IMMP2L: variants seen among roughly 807,000 people sequenced by gnomAD.
IMMP2L encodes the protein mitochondrial inner membrane protease subunit 2.
IMMP2L carries 18 observed loss-of-function variants against 19.3 expected under a neutral mutation model. That is an observed-to-expected ratio of 0.93 (90% CI 0.64 to 1.38). The LOEUF is 1.38. Ranked by LOEUF, IMMP2L falls within the 40% of genes most tolerant of loss-of-function variation. IMMP2L has a pLI of 0.00. For synonymous variants in IMMP2L, 76 were observed against 73.0 expected, an observed-to-expected ratio of 1.04 and a Z score of -0.21; for missense variants, 233 against 218.2, an observed-to-expected ratio of 1.07 and a Z score of -0.43.
intron 3 of IMMP2L, among the ~76,000 whole-genome samples, chr7:111,337,500 G>A (rs1336252342): frequency 6.7e-6 from 1 of 149,476 alleles, no homozygotes; most frequent in Non-Finnish European, 1.5e-5. Context: ...ATGGATGGAT[G>A]AAATGGACCA....
chr7:111,143,855 C>A (rs1803192194), intron 3 of IMMP2L, among the ~76,000 whole-genome samples: 1 of 152,128 alleles, frequency 6.6e-6, no homozygotes, highest in Admixed American at 6.6e-5. Flanking sequence ...TAAACCAGTG[C>A]AGATACTGTA....
intron 3 of IMMP2L, among the ~76,000 whole-genome samples, chr7:111,105,455 T>G (rs2129581242): frequency 6.6e-6 from 1 of 151,996 alleles, no homozygotes; most frequent in East Asian, 1.9e-4. Context: ...CTGCATACGT[T>G]ACCATCTTCC....
intron 3 of IMMP2L, among the ~76,000 whole-genome samples, chr7:111,332,517 T>C (rs557896844): frequency 6.6e-6 from 1 of 152,066 alleles, no homozygotes; most frequent in South Asian, 2.1e-4. Context: ...AATAATATAG[T>C]ACCTTTTTGT....
chr7:111,315,704 A>G (rs1823990227), intron 3 of IMMP2L, among the ~76,000 whole-genome samples: 1 of 151,494 alleles, frequency 6.6e-6, no homozygotes, highest in African/African-American at 2.4e-5. Flanking sequence ...CAAACAACAC[A>G]CAAGGAAACA....
At chr7:110,916,912 T>C (rs1216803236) in intron 4 of IMMP2L, among the ~76,000 whole-genome samples, 3 of 152,150 alleles carry the variant, frequency 2.0e-5, no homozygotes, top group Non-Finnish European at 4.4e-5. Context: ...AAAAAGATGT[T>C]TGCAGTTGGT....
intron 5 of IMMP2L, among the ~76,000 whole-genome samples, chr7:110,675,552 G>A (rs963777003): frequency 6.6e-6 from 1 of 152,038 alleles, no homozygotes; most frequent in Non-Finnish European, 1.5e-5. Context: ...CATTACTATT[G>A]GGTTAATAAA....
intron 3 of IMMP2L, among the ~76,000 whole-genome samples, chr7:111,174,482 T>A (rs1806811934): frequency 6.6e-6 from 1 of 151,652 alleles, no homozygotes; most frequent in African/African-American, 2.4e-5. Context: ...AGCTCCTACC[T>A]CACTCAATGC....
At chr7:110,696,490 G>A (rs1406459488) in intron 5 of IMMP2L, among the ~76,000 whole-genome samples, 5 of 138,628 alleles carry the variant, frequency 3.6e-5, no homozygotes, top group South Asian at 2.3e-4. Context: ...GTAATGGTAC[G>A]ATCTCGGCCC....
chr7:111,250,417 A>T (rs1815964611), intron 3 of IMMP2L, among the ~76,000 whole-genome samples: 2 of 152,314 alleles, frequency 1.3e-5, no homozygotes, highest in African/African-American at 2.4e-5. Flanking sequence ...TAAAATTCAT[A>T]TGAAACCCAA....
chr7:111,098,239 T>A (rs950842638), intron 3 of IMMP2L, among the ~76,000 whole-genome samples: 1 of 151,828 alleles, frequency 6.6e-6, no homozygotes, highest in African/African-American at 2.4e-5. Context: ...TTTGTTCCTC[T>A]TATTGTCATT....
At chr7:110,679,857 C>T (rs913659890) in intron 5 of IMMP2L, among the ~76,000 whole-genome samples, 17 of 152,216 alleles carry the variant, frequency 1.1e-4, no homozygotes, top group Admixed American at 2.0e-4. Flanking sequence ...GTTGCTGTGA[C>T]TAGCACCATA....
chr7:111,482,309 T>C (rs78713191), intron 3 of IMMP2L, among the ~76,000 whole-genome samples: 3,168 of 152,234 alleles, frequency 0.021, 110 homozygotes, highest in African/African-American at 0.072. Flanking sequence ...GAGAATTAAA[T>C]AAAAACAGCA....
At chr7:110,772,628 G>C (rs1799111816) in intron 5 of IMMP2L, among the ~76,000 whole-genome samples, 1 of 152,152 alleles carries the variant, frequency 6.6e-6, no homozygotes. Context: ...TGGGTACCAT[G>C]GAGGAGGCTC....
At chr7:110,859,153 C>G (rs1563030884) in intron 5 of IMMP2L, among the ~76,000 whole-genome samples, 1 of 151,964 alleles carries the variant, frequency 6.6e-6, no homozygotes, top group African/African-American at 2.4e-5. Flanking sequence ...TCTGTAGGCC[C>G]AAGCAAACAT....
chr7:111,190,289 C>T (rs1808725645), intron 3 of IMMP2L, among the ~76,000 whole-genome samples: 1 of 151,918 alleles, frequency 6.6e-6, no homozygotes. Context: ...AACAATGACA[C>T]CTAAGCAAAA....
chr7:111,290,759 A>G (rs985722802), intron 3 of IMMP2L, among the ~76,000 whole-genome samples: 1 of 150,602 alleles, frequency 6.6e-6, no homozygotes, highest in Non-Finnish European at 1.5e-5. Flanking sequence ...ATGTTTTCTG[A>G]TTGCACTTAT....
At chr7:110,692,106 C>T (rs1793544931) in intron 5 of IMMP2L, among the ~76,000 whole-genome samples, 1 of 152,056 alleles carries the variant, frequency 6.6e-6, no homozygotes, top group Admixed American at 6.6e-5. Flanking sequence ...TGTGTGTAAA[C>T]ATACACACTC....
chr7:111,150,203 A>C (rs1241435047), intron 3 of IMMP2L, among the ~76,000 whole-genome samples: 2 of 152,172 alleles, frequency 1.3e-5, no homozygotes, highest in East Asian at 1.9e-4. Context: ...ATAACCCACC[A>C]AAGATACATG....
At chr7:111,030,934 T>C (rs1790745513) in intron 3 of IMMP2L, among the ~76,000 whole-genome samples, 1 of 139,400 alleles carries the variant, frequency 7.2e-6, no homozygotes, top group Non-Finnish European at 1.5e-5. Context: ...ATAAAATATA[T>C]ATACACGAGA....
Sources: gnomAD v4.1 joint callset for allele counts (sites outside exome capture counted in the v4.1 genomes callset) on GRCh38, gnomAD v4.1.1 for gene constraint, MANE v1.5 for transcripts, NCBI Gene and HGNC (gene_info 2026-07-23, HGNC 2026-07-21) for gene names.